FHIP1A: variants seen among roughly 807,000 people sequenced by gnomAD.
The protein encoded by FHIP1A is FHF complex subunit HOOK-interacting protein 1A.
In FHIP1A, 61 loss-of-function variants were observed where a neutral mutation model predicts 88.6. The observed-to-expected ratio is 0.69, with a 90% confidence interval of 0.56 to 0.85. The LOEUF (loss-of-function observed/expected upper bound fraction) is 0.85. FHIP1A is among the 40% of genes least tolerant of loss of function. The pLI, the probability that FHIP1A is intolerant of heterozygous loss-of-function variation, is 0.00. For missense variants in FHIP1A, 1,154 were observed against 1,273.5 expected (o/e 0.91, Z 1.43); for synonymous variants, 478 against 496.0 (o/e 0.96, Z 0.48).
intron 3 of FHIP1A, among the ~76,000 whole-genome samples, chr4:151,496,203 T>C (rs1730454501): frequency 6.6e-6 from 1 of 150,922 alleles, no homozygotes; most frequent in Admixed American, 6.6e-5. Flanking sequence ...TCTCACCTAA[T>C]GGAATCTAGT....
chr4:151,500,399 T>A (rs945163714), intron 3 of FHIP1A, among the ~76,000 whole-genome samples: 1 of 150,342 alleles, frequency 6.7e-6, no homozygotes, highest in Non-Finnish European at 1.5e-5. Flanking sequence ...AAGAGAATTC[T>A]CTTTTTTATT....
At chr4:151,456,993 T>C (rs1728989943) in intron 2 of FHIP1A, among the ~76,000 whole-genome samples, 2 of 152,184 alleles carry the variant, frequency 1.3e-5, no homozygotes. Flanking sequence ...ATGACATTAT[T>C]TTAAAGAGGA....
chr4:151,484,635 A>G (rs1406681667), intron 3 of FHIP1A, among the ~76,000 whole-genome samples: 1 of 152,244 alleles, frequency 6.6e-6, no homozygotes, highest in Non-Finnish European at 1.5e-5. Context: ...GGACTCTGAA[A>G]GCTTGAAGAC....
intron 1 of FHIP1A, among the ~76,000 whole-genome samples, chr4:151,413,600 A>G (rs1427573955): frequency 6.6e-6 from 1 of 152,052 alleles, no homozygotes; most frequent in Non-Finnish European, 1.5e-5. Context: ...GACTATAGGC[A>G]TGCACCAACA....
chr4:151,529,763 A>T (rs1471642146), intron 3 of FHIP1A, among the ~76,000 whole-genome samples: 2 of 152,204 alleles, frequency 1.3e-5, no homozygotes, highest in Non-Finnish European at 2.9e-5. Flanking sequence ...CCATTTTGAA[A>T]CTGAGGAAAT....
At chr4:151,613,639 C>T (rs1182031633) in intron 7 of FHIP1A, among the ~76,000 whole-genome samples, 1 of 152,210 alleles carries the variant, frequency 6.6e-6, no homozygotes, top group East Asian at 1.9e-4. Flanking sequence ...GGCACCTTAG[C>T]ACCTGTGTAG....
intron 1 of FHIP1A, among the ~76,000 whole-genome samples, chr4:151,425,256 A>G (rs1439225866): frequency 6.6e-6 from 1 of 152,222 alleles, no homozygotes; most frequent in Non-Finnish European, 1.5e-5. Flanking sequence ...AAACCATACC[A>G]TAAAGATGTA....
chr4:151,543,581 G>T lies in FHIP1A; in HGVS notation c.-122-22557G>T, dbSNP rs370178740. Among the ~76,000 whole-genome samples the T allele has an allele frequency of 2.6e-5, 4 of 152,242 alleles. No homozygotes were observed. In the South Asian group the frequency reaches 8.3e-4, roughly 32 times the overall value. On this transcript the variant is annotated intron_variant, in intron 3 of 13. Coordinates refer to ENST00000435205, the MANE Select transcript of FHIP1A (RefSeq NM_001109977.3). The stretch of plus-strand genomic sequence containing the variant: ...GTTATCTGTGTTCCTGAACTTATTT[G>T]TAAATATTATACATATATCTTTCAC...
chr4:151,642,962 G>A (rs561699836), intron 9 of FHIP1A, among the ~76,000 whole-genome samples: 1 of 149,618 alleles, frequency 6.7e-6, no homozygotes, highest in Non-Finnish European at 1.5e-5. Flanking sequence ...TTTTCCTTCT[G>A]TGTTGGGGGA....
intron 3 of FHIP1A, among the ~76,000 whole-genome samples, chr4:151,528,834 C>G (rs1021667243): frequency 6.6e-6 from 1 of 152,054 alleles, no homozygotes; most frequent in Admixed American, 6.6e-5. Flanking sequence ...TAATATTTTC[C>G]CCCCCTTCAG....
rs1359041344 is a variant in FHIP1A, at chr4:151,656,270, A to G, written c.2590A>G (p.Met864Val). Reference sequence around the variant, plus strand: ...CGTAGTCCTGTCAAAGCTGGAGAACATGCTGGAGAACTCTTTACATGTTAA... The same window carrying G: ...CGTAGTCCTGTCAAAGCTGGAGAACGTGCTGGAGAACTCTTTACATGTTAA... ...ISVVLSKLENMLENSLHVNLL... is the reference protein window; with the variant it reads ...ISVVLSKLENVLENSLHVNLL... The change falls in exon 12 of 14, where the codon ATG becomes GTG. Residue 864 changes from methionine (M) to valine (V), a missense_variant. Coordinates refer to ENST00000435205, the MANE Select transcript of FHIP1A (RefSeq NM_001109977.3). The surrounding 1 kb of genome is among the most constrained non-coding windows in gnomAD (Gnocchi z 4.2). 5 of 1,551,566 alleles carry G rather than the reference A, an allele frequency of 3.2e-6. 1 individual carries two copies. The highest frequency in any genetic ancestry group is 1.2e-5 in the South Asian group (1 of 84,056).
At chr4:151,648,569 T>C (rs1435116932) in intron 10 of FHIP1A, among the ~76,000 whole-genome samples, 1 of 152,084 alleles carries the variant, frequency 6.6e-6, no homozygotes, top group Non-Finnish European at 1.5e-5. Flanking sequence ...GAGGTTGGTG[T>C]GAAATTGCCT....
chr4:151,580,629 G>C (rs2126795719), intron 5 of FHIP1A, among the ~76,000 whole-genome samples: 1 of 152,250 alleles, frequency 6.6e-6, no homozygotes, highest in South Asian at 2.1e-4. Context: ...ATCTGGCTTG[G>C]AGAAATCTGG....
chr4:151,566,417 C>A, intron 4 of FHIP1A, 53 bp downstream of exon 4: 1 of 1,002,868 alleles, frequency 1.0e-6, no homozygotes, highest in Non-Finnish European at 1.5e-6. Flanking sequence ...CAGGGGCCTC[C>A]ATCACACTGA....
chr4:151,446,826 C>T (rs902923744), intron 1 of FHIP1A, among the ~76,000 whole-genome samples: 2 of 152,014 alleles, frequency 1.3e-5, no homozygotes, highest in African/African-American at 4.8e-5. Context: ...GTGAGGCTGG[C>T]TCTGCTGATA....
chr4:151,436,225 C>T lies in FHIP1A; in HGVS notation c.-355-18476C>T, dbSNP rs183024631. 4.2e-3 allele frequency among the ~76,000 whole-genome samples: 636 copies of T among 152,224 alleles called. 3 individuals carry two copies. Among genetic ancestry groups the T allele is most frequent in the Non-Finnish European group, 7.3e-3 (493 of 68,000 alleles). Reference sequence around the variant, plus strand: ...CTTGGTTTTCATTAGAGTTTCTCAGCCCCACTCAACCTTAGCACTGTTCAT... The same window carrying T: ...CTTGGTTTTCATTAGAGTTTCTCAGTCCCACTCAACCTTAGCACTGTTCAT... On this transcript the variant is annotated intron_variant, in intron 1 of 13. Transcript: ENST00000435205.
chr4:151,644,512 C>A (rs896885639), intron 9 of FHIP1A, among the ~76,000 whole-genome samples: 17 of 152,036 alleles, frequency 1.1e-4, no homozygotes, highest in African/African-American at 4.1e-4. Context: ...CCACTACACC[C>A]GGCTAACTCT....
intron 7 of FHIP1A, among the ~76,000 whole-genome samples, chr4:151,622,788 C>T (rs1300197016): frequency 6.6e-6 from 1 of 152,100 alleles, no homozygotes; most frequent in Non-Finnish European, 1.5e-5. Context: ...GTTTCTGAGC[C>T]AAAATGCCCC....
At chr4:151,535,064 A>C (rs1278364373) in intron 3 of FHIP1A, among the ~76,000 whole-genome samples, 1 of 152,124 alleles carries the variant, frequency 6.6e-6, no homozygotes. Context: ...AAAGTAAAAA[A>C]ATCAGCCGGG....
Sources: allele counts gnomAD v4.1 joint callset (sites outside exome capture counted in the v4.1 genomes callset), GRCh38; gene constraint gnomAD v4.1.1; non-coding constraint Gnocchi (gnomAD v3.1); transcripts MANE v1.5; gene names NCBI Gene and HGNC (gene_info 2026-07-23, HGNC 2026-07-21).